The following THSD7B variants were observed in gnomAD, a reference collection of about 807,000 sequenced individuals.
The protein encoded by THSD7B is thrombospondin type-1 domain-containing protein 7B.
THSD7B carries 138 observed loss-of-function variants against 213.6 expected under a neutral mutation model. That is an observed-to-expected ratio of 0.65 (90% CI 0.56 to 0.74). The LOEUF (loss-of-function observed/expected upper bound fraction) is 0.74, where lower values mean the gene tolerates loss of function less well. Among genes scored for constraint, THSD7B ranks in the 30% least tolerant of loss-of-function variants. The probability of loss-of-function intolerance (pLI) is 0.00; values close to 1 mark genes in which losing one functional copy is unlikely to be tolerated. For synonymous variants in THSD7B, 742 were observed against 687.0 expected (o/e 1.08, Z -1.25); for missense variants, 1,931 against 1,991.5 (o/e 0.97, Z 0.58).
intron 1 of THSD7B, among the ~76,000 whole-genome samples, chr2:136,845,260 A>C (rs1558824064): frequency 6.6e-6 from 1 of 152,190 alleles, no homozygotes; most frequent in African/African-American, 2.4e-5. Flanking sequence ...CGGTAAAGGG[A>C]GGCTTCTGGA....
intron 1 of THSD7B, among the ~76,000 whole-genome samples, chr2:136,863,526 C>A (rs78966668): frequency 2.2e-4 from 34 of 152,300 alleles, no homozygotes; most frequent in African/African-American, 7.7e-4. Flanking sequence ...CCTTTTGCAC[C>A]AGAAATTAAT....
intron 1 of THSD7B, among the ~76,000 whole-genome samples, chr2:136,829,902 C>A (rs558893660): frequency 6.6e-6 from 1 of 152,218 alleles, no homozygotes; most frequent in African/African-American, 2.4e-5. Flanking sequence ...CATGCCTTTA[C>A]AAATATCCTT....
chr2:137,575,725 C>CACACACACACATAT (rs59620213), intron 17 of THSD7B, among the ~76,000 whole-genome samples: 1 of 110,816 alleles, frequency 9.0e-6, no homozygotes, highest in African/African-American at 3.1e-5. Context: ...CCATAACACA[C>CACACACACACATAT]ATATATATAT....
chr2:137,220,570 A>G (rs1410495934), intron 7 of THSD7B, among the ~76,000 whole-genome samples: 2 of 152,200 alleles, frequency 1.3e-5, no homozygotes, highest in African/African-American at 4.8e-5. Flanking sequence ...CAGTTAGAGC[A>G]ATGTAGAACT....
At chr2:137,069,127 C>A (rs1374697134) in intron 3 of THSD7B, among the ~76,000 whole-genome samples, 1 of 152,010 alleles carries the variant, frequency 6.6e-6, no homozygotes, top group Non-Finnish European at 1.5e-5. Context: ...TCTCAGTGCA[C>A]ATCCTAATTT....
chr2:137,294,583 CAAAA>C (rs1210363889), intron 12 of THSD7B, among the ~76,000 whole-genome samples: 881 of 73,224 alleles, frequency 0.012, 12 homozygotes, highest in African/African-American at 0.041. Context: ...AACTCCATCT[CAAAA>C]AAAAAAAAAA....
chr2:137,010,566 TGTA>T (rs535945088), intron 2 of THSD7B, among the ~76,000 whole-genome samples: 97 of 152,326 alleles, frequency 6.4e-4, no homozygotes, highest in Non-Finnish European at 8.8e-4. Flanking sequence ...CTGTAAGGTG[TGTA>T]AGGGGCAGGC....
chr2:136,787,892 G>A (rs1681896736), intron 1 of THSD7B, among the ~76,000 whole-genome samples: 1 of 152,110 alleles, frequency 6.6e-6, no homozygotes, highest in Non-Finnish European at 1.5e-5. Context: ...GTCCCAGATA[G>A]AGGCTGCTTT....
At chr2:137,218,748 GTATT>G (rs1681303223) in intron 7 of THSD7B, among the ~76,000 whole-genome samples, 1 of 152,022 alleles carries the variant, frequency 6.6e-6, no homozygotes, top group African/African-American at 2.4e-5. Context: ...TATGCCTTCA[GTATT>G]TATTCTCTCC....
intron 2 of THSD7B, among the ~76,000 whole-genome samples, chr2:136,897,709 ATT>A (rs1423761730): frequency 6.6e-6 from 1 of 152,212 alleles, no homozygotes; most frequent in East Asian, 1.9e-4. Context: ...CAGAGCACTG[ATT>A]GGTGCATTTT....
chr2:136,971,688 C>A (rs1685407627), intron 2 of THSD7B, among the ~76,000 whole-genome samples: 1 of 119,194 alleles, frequency 8.4e-6, no homozygotes. Flanking sequence ...TATATACATA[C>A]ATATGTATAT....
At chr2:137,650,022 A>T (rs954194146) in intron 21 of THSD7B, among the ~76,000 whole-genome samples, 1 of 152,020 alleles carries the variant, frequency 6.6e-6, no homozygotes, top group Non-Finnish European at 1.5e-5. Flanking sequence ...AGATGGCTTG[A>T]GTCGGAGAGG....
chr2:137,324,663 G>C (rs891726821), intron 12 of THSD7B, among the ~76,000 whole-genome samples: 3 of 152,082 alleles, frequency 2.0e-5, no homozygotes, highest in Non-Finnish European at 4.4e-5. Flanking sequence ...AACCTTTGGG[G>C]ACAATGGATA....
At chr2:137,172,932 T>C (rs1179111667) in intron 7 of THSD7B, among the ~76,000 whole-genome samples, 1 of 152,140 alleles carries the variant, frequency 6.6e-6, no homozygotes, top group Non-Finnish European at 1.5e-5. Context: ...AAGTGAAGTA[T>C]GGAAGTTTAA....
At chr2:137,571,924 G>A (rs1482588872) in intron 16 of THSD7B, among the ~76,000 whole-genome samples, 1 of 152,014 alleles carries the variant, frequency 6.6e-6, no homozygotes, top group African/African-American at 2.4e-5. Flanking sequence ...AAAAATGGGT[G>A]GGATAAAGTT....
At chr2:137,071,581 A>G (rs186191368) in intron 3 of THSD7B, among the ~76,000 whole-genome samples, 1,951 of 152,082 alleles carry the variant, frequency 0.013, 49 homozygotes, top group African/African-American at 0.043. Flanking sequence ...ATTTGTCAAT[A>G]TTGGCTTTTG....
At chr2:137,049,585 A>G (rs970353377) in intron 2 of THSD7B, among the ~76,000 whole-genome samples, 1 of 151,668 alleles carries the variant, frequency 6.6e-6, no homozygotes, top group Non-Finnish European at 1.5e-5. Context: ...TATTCTAGGG[A>G]CACATAATTT....
At chr2:136,975,425 CTATT>C (rs1685465288) in intron 2 of THSD7B, among the ~76,000 whole-genome samples, 1 of 152,158 alleles carries the variant, frequency 6.6e-6, no homozygotes, top group African/African-American at 2.4e-5. Flanking sequence ...TCTCCCAGCA[CTATT>C]TATTGAATAG....
intron 3 of THSD7B, among the ~76,000 whole-genome samples, chr2:137,090,534 A>G (rs540291786): frequency 1.3e-4 from 20 of 152,254 alleles, no homozygotes; most frequent in Admixed American, 1.2e-3. Flanking sequence ...TTTCCAGGGG[A>G]AGTAAGAATT....
Sources: allele counts gnomAD v4.1 joint callset (sites outside exome capture counted in the v4.1 genomes callset), GRCh38; gene constraint gnomAD v4.1.1; transcripts MANE v1.5; gene names NCBI Gene and HGNC (gene_info 2026-07-23, HGNC 2026-07-21).